The following TMEM62 variants were observed in gnomAD, a reference collection of about 807,000 sequenced individuals.
The protein encoded by TMEM62 is transmembrane protein 62.
In TMEM62, 41 loss-of-function variants were observed where a neutral mutation model predicts 70.4. The ratio of observed to expected loss-of-function variants is 0.58; its 90% CI spans 0.45 to 0.76. The LOEUF is 0.76. Ranked by LOEUF, TMEM62 falls within the 30% of genes least tolerant of loss-of-function variation. The pLI is 0.00. For missense variants in TMEM62, 688 were observed against 788.5 expected, an observed-to-expected ratio of 0.87 and a Z score of 1.53; for synonymous variants, 268 against 291.0, an observed-to-expected ratio of 0.92 and a Z score of 0.80.
intron 10 of TMEM62, among the ~76,000 whole-genome samples, chr15:43,168,460 C>G (rs2039831426): frequency 6.6e-6 from 1 of 152,112 alleles, no homozygotes; most frequent in African/African-American, 2.4e-5. Flanking sequence ...CATGGTCTTT[C>G]TCTTCAACAC....
In TMEM62 at chr15:43,178,653, G is replaced by C. The variant is rs2142090757; in HGVS notation, c.1428G>C (p.Leu476Phe). ...TGACCTCATTTTCTCTTCATGTCTTGAGCAAAATAAACATCTTCTACTATT... is the reference window on the plus strand; with the variant it reads ...TGACCTCATTTTCTCTTCATGTCTTCAGCAAAATAAACATCTTCTACTATT... The part of the protein sequence containing the change: ...INLTSFSLHV[L>F]SKINIFYYSV... Residue 476 changes from leucine (L) to phenylalanine (F), a missense_variant, in exon 12 of 14, where the codon TTG becomes TTC. Leu to Phe is a conservative substitution (Grantham distance 22). Transcript: ENST00000260403. 1 of 1,613,104 alleles carries C rather than the reference G, an allele frequency of 6.2e-7. No homozygotes were observed. The highest frequency in any genetic ancestry group is 2.2e-5 in the East Asian group (1 of 44,768).
chr15:43,154,968 C>T, intron 9 of TMEM62, 137 bp downstream of exon 9: 1 of 768,864 alleles, frequency 1.3e-6, no homozygotes, highest in South Asian at 2.1e-5. Flanking sequence ...TGGCTCACGC[C>T]TGTAATCCCA....
intron 6 of TMEM62, 64 bp downstream of exon 6, chr15:43,148,943 T>G: frequency 6.2e-7 from 1 of 1,603,528 alleles, no homozygotes; most frequent in Admixed American, 1.7e-5. Context: ...CTGTTACCTA[T>G]TCTGCTTTTC....
rs75032754 is a variant in TMEM62, at chr15:43,153,310, A to G, written c.1023-1362A>G. Among the ~76,000 whole-genome samples, 67 of 152,308 alleles carry G rather than the reference A, an allele frequency of 4.4e-4. 1 individual carries two copies. The East Asian group carries it at 0.011, about 25-fold the overall frequency. The stretch of plus-strand genomic sequence containing the variant: ...AAAATGTACCATTTTAACCATTTTC[A>G]AGTGTACAGTTCAGTAGCATTAAGT... On this transcript the variant is annotated intron_variant, in intron 8 of 13. Coordinates refer to ENST00000260403, the MANE Select transcript of TMEM62 (RefSeq NM_024956.4).
At chr15:43,164,639 C>T (rs1485854307) in intron 10 of TMEM62, among the ~76,000 whole-genome samples, 2 of 152,006 alleles carry the variant, frequency 1.3e-5, no homozygotes, top group East Asian at 1.9e-4. Flanking sequence ...GAATTACAGG[C>T]GTGAATCACT....
At chr15:43,146,697 A>G in intron 5 of TMEM62, 63 bp downstream of exon 5, 2 of 1,380,072 alleles carry the variant, frequency 1.4e-6, no homozygotes, top group Non-Finnish European at 1.9e-6. Context: ...CGTGTGGATC[A>G]CTTAAAGTTA....
intron 3 of TMEM62, among the ~76,000 whole-genome samples, chr15:43,137,632 C>G (rs1245971980): frequency 6.6e-6 from 1 of 152,264 alleles, no homozygotes; most frequent in Admixed American, 6.5e-5. Flanking sequence ...TGTCCCAACC[C>G]TCCCACAGAT....
chr15:43,137,300 AT>A (rs2035364964), intron 3 of TMEM62, among the ~76,000 whole-genome samples: 2 of 152,228 alleles, frequency 1.3e-5, no homozygotes, highest in Admixed American at 1.3e-4. Flanking sequence ...GAATCACATG[AT>A]TAAGACAAGA....
At position 43,133,743 on chromosome 15, in the gene TMEM62, G is replaced by T; in HGVS notation, c.-60G>T. On this transcript the variant is annotated 5_prime_UTR_variant, in exon 1 of 14. Transcript: ENST00000260403. ...CGGAAGTGCAGGCAAAGCGGCTCCC[G>T]GGAGCGCCGCGCGGTCCTGCGCGGG... 2 of 1,218,900 alleles carry T rather than the reference G, an allele frequency of 1.6e-6. No homozygotes were observed. The highest frequency in any genetic ancestry group is 1.0e-6 in the Non-Finnish European group (1 of 960,066). 75.5% of individuals were successfully genotyped at this position (1,218,900 alleles called of 1,614,324 possible).
chr15:43,178,008 A>T (rs947334951), intron 11 of TMEM62, among the ~76,000 whole-genome samples: 26 of 151,136 alleles, frequency 1.7e-4, no homozygotes, highest in East Asian at 5.8e-4. Context: ...AATAAAAATT[A>T]AAAAAAAAGA....
At chr15:43,167,085 G>C (rs2141930412) in intron 10 of TMEM62, among the ~76,000 whole-genome samples, 1 of 151,626 alleles carries the variant, frequency 6.6e-6, no homozygotes, top group East Asian at 2.0e-4. Flanking sequence ...CCGGGCAGAG[G>C]GGCTCCTCAC....
intron 10 of TMEM62, among the ~76,000 whole-genome samples, chr15:43,161,506 ATAAAGT>A (rs1333723395): frequency 6.6e-6 from 1 of 152,204 alleles, no homozygotes; most frequent in Non-Finnish European, 1.5e-5. Flanking sequence ...AAATTTAGAA[ATAAAGT>A]TAAATCAGCC....
Position 43,133,970 on chromosome 15 carries a change from C to G in TMEM62, c.168C>G (p.Phe56Leu). The change falls in exon 1 of 14, where the codon TTC becomes TTG. Residue 56 changes from phenylalanine (F) to leucine (L), a missense_variant. Transcript: ENST00000260403. ...CAGGGCCCGGAGACAGCAACATCTT[C>G]TGGGGCCTGCAGGTGACGCGGCGGG... ...PAPGPGDSNI[F>L]WGLQISDIHL... is the part of the protein sequence containing the mutation. 1 of 1,452,574 alleles carries G rather than the reference C, an allele frequency of 6.9e-7. No homozygotes were observed. The highest frequency in any genetic ancestry group is 9.0e-7 in the Non-Finnish European group (1 of 1,109,142). 90.0% of individuals were successfully genotyped at this position (1,452,574 alleles called of 1,614,324 possible).
chr15:43,156,417 G>A (rs1391158188), intron 9 of TMEM62, among the ~76,000 whole-genome samples: 1 of 152,128 alleles, frequency 6.6e-6, no homozygotes, highest in African/African-American at 2.4e-5. Flanking sequence ...AAAACTTACA[G>A]CAGAAGTAGA....
At chr15:43,139,346 C>T (rs2035688157) in intron 4 of TMEM62, among the ~76,000 whole-genome samples, 2 of 152,140 alleles carry the variant, frequency 1.3e-5, no homozygotes, top group African/African-American at 2.4e-5. Flanking sequence ...CCTCCCCATT[C>T]CCTGAGACAC....
rs2041741771 is a variant in TMEM62 at position 43,184,817 on chromosome 15, C to T, written c.*231C>T. On this transcript the variant is annotated 3_prime_UTR_variant, in exon 14 of 14. Coordinates refer to ENST00000260403, the MANE Select transcript of TMEM62 (RefSeq NM_024956.4). The stretch of plus-strand genomic sequence containing the variant: ...TTTATTCCTTCCCTCCCTAAGGAGG[C>T]AAAGAGTTGATTTACCTTTGTGAAG... The T allele has an allele frequency of 1.8e-6, 1 of 563,830 alleles. No homozygotes were observed. The highest frequency in any genetic ancestry group is 1.9e-5 in the African/African-American group (1 of 53,440). The allele number at this position is 563,830 out of a possible 1,614,324, so 34.9% of individuals were successfully genotyped here.
chr15:43,166,513 A>G (rs2039427419), intron 10 of TMEM62, among the ~76,000 whole-genome samples: 1 of 151,748 alleles, frequency 6.6e-6, no homozygotes, highest in Non-Finnish European at 1.5e-5. Flanking sequence ...TATTCCTGAA[A>G]TGATGGAGAG....
rs1468500571 is a variant in TMEM62 at position 43,160,731 on chromosome 15, G to C, written c.1233G>C (p.Glu411Asp). 1.2e-6 allele frequency: 2 copies of C among 1,612,898 alleles called. No homozygotes were observed. Among genetic ancestry groups the C allele is most frequent in the Non-Finnish European group, 8.5e-7 (1 of 1,179,356 alleles). Reference sequence around the variant, plus strand: ...TTCACCACATATTTTCTGTTCAAGAGAATAATCATCTCAGTTTTGATCCCC... The same window carrying C: ...TTCACCACATATTTTCTGTTCAAGACAATAATCATCTCAGTTTTGATCCCC... ...KSVHHIFSVQ[E>D]NNHLSFDPLA... The change falls in exon 10 of 14, where the codon GAG (glutamate) becomes GAC (aspartate). Residue 411 changes from glutamate to aspartate, a missense_variant. By Grantham distance (45) the Glu-to-Asp change is conservative (BLOSUM62 2). Transcript: ENST00000260403.
intron 4 of TMEM62, among the ~76,000 whole-genome samples, chr15:43,140,544 TCTC>T (rs1375010624): frequency 1.1e-4 from 16 of 152,282 alleles, no homozygotes; most frequent in African/African-American, 3.6e-4. Context: ...GCATTGGTAT[TCTC>T]CTTCTCTCTA....
Sources: allele counts gnomAD v4.1 joint callset (sites outside exome capture counted in the v4.1 genomes callset), GRCh38; gene constraint gnomAD v4.1.1; transcripts MANE v1.5; gene names NCBI Gene and HGNC (gene_info 2026-07-23, HGNC 2026-07-21).